Variants in AGAP1 observed in about 807,000 individuals in gnomAD.
The protein encoded by AGAP1 is ArfGAP with GTPase domain, ankyrin repeat and PH domain 1.
In AGAP1, 29 loss-of-function variants were observed where a neutral mutation model predicts 105.3. The observed-to-expected ratio is 0.28, with a 90% CI of 0.21 to 0.38. The LOEUF (loss-of-function observed/expected upper bound fraction) is 0.38, where lower values mean the gene tolerates loss of function less well. Ranked by LOEUF, AGAP1 falls within the 10% of genes least tolerant of loss-of-function variation. AGAP1 has a pLI of 1.00. For missense variants in AGAP1, 998 were observed against 1,165.1 expected (o/e 0.86, Z 2.09); for synonymous variants, 509 against 485.9 (o/e 1.05, Z -0.63).
chr2:235,513,460 G>A (rs978641849), intron 1 of AGAP1, among the ~76,000 whole-genome samples: 1 of 147,806 alleles, frequency 6.8e-6, no homozygotes, highest in South Asian at 2.1e-4. Context: ...GGCAGAGGTC[G>A]CAGCGAACTG....
intron 1 of AGAP1, among the ~76,000 whole-genome samples, chr2:235,539,268 A>C (rs1943354347): frequency 6.6e-6 from 1 of 152,190 alleles, no homozygotes; most frequent in South Asian, 2.1e-4. Context: ...GATGCACTGG[A>C]TTATCATGGC....
At chr2:235,808,414 G>A (rs1213481088) in intron 9 of AGAP1, among the ~76,000 whole-genome samples, 1 of 152,232 alleles carries the variant, frequency 6.6e-6, no homozygotes, top group Non-Finnish European at 1.5e-5. Context: ...TGGTGGTGCA[G>A]GTTTCGTCCA....
At chr2:235,588,210 C>T (rs1007629881) in intron 1 of AGAP1, among the ~76,000 whole-genome samples, 3 of 141,856 alleles carry the variant, frequency 2.1e-5, no homozygotes, top group African/African-American at 8.1e-5. Flanking sequence ...GCCTGGGTGA[C>T]AGAGTGAGAC....
At position 235,792,478 on chromosome 2, in the gene AGAP1, T is replaced by C. The variant is rs11685098; in HGVS notation, c.674-5281T>C. ...TGAAAAACTGGAAATAGAACAGCGC[T>C]GTGGTAAGATTTGCCTTTGAGGTCG... On this transcript the variant is annotated intron_variant, in intron 6 of 17. Transcript: ENST00000304032. The surrounding 1 kb of genome is among the most constrained non-coding windows in gnomAD (Gnocchi z 5.3). 0.79 allele frequency among the ~76,000 whole-genome samples: 119,551 copies of C among 152,130 alleles called. 47,433 individuals are homozygous for C. Among genetic ancestry groups the C allele is most frequent in the East Asian group, 0.97 (5,047 of 5,186 alleles).
intron 16 of AGAP1, among the ~76,000 whole-genome samples, chr2:236,079,961 A>C (rs1175753611): frequency 6.6e-6 from 1 of 152,236 alleles, no homozygotes; most frequent in Admixed American, 6.5e-5. Flanking sequence ...GGTCAGAGAC[A>C]AAGAAAAATC....
intron 5 of AGAP1, among the ~76,000 whole-genome samples, chr2:235,746,290 GA>G (rs540335205): frequency 2.0e-4 from 25 of 125,224 alleles, no homozygotes; most frequent in East Asian, 1.2e-3. Context: ...CATCTCAAGG[GA>G]AAAAAAAAAC....
rs1366143056 is a variant in AGAP1, at chr2:235,724,071, G to A, written c.310+6427G>A. On this transcript the variant is annotated intron_variant, in intron 3 of 17. Coordinates refer to ENST00000304032, the MANE Select transcript of AGAP1 (RefSeq NM_001037131.3). This position sits in a 1 kb window ranked among gnomAD's most constrained non-coding sequence, Gnocchi z 4.9. ...CCTTAGCCAGGCATGATGTGGGAGC[G>A]TTGGCCCTGGCATTCCCGGGTCTTC... 4.6e-5 allele frequency among the ~76,000 whole-genome samples: 7 copies of A among 152,360 alleles called. No homozygotes were observed. The highest frequency in any genetic ancestry group is 3.9e-4 in the East Asian group (2 of 5,180).
chr2:235,924,808 G>A (rs1338084081), intron 11 of AGAP1, among the ~76,000 whole-genome samples: 5 of 152,158 alleles, frequency 3.3e-5, no homozygotes, highest in Admixed American at 1.3e-4. Context: ...TGTGGAGAGC[G>A]ACATTTACTG....
At position 236,053,098 on chromosome 2, in the gene AGAP1, C is replaced by T. The variant is rs1009199056; in HGVS notation, c.2114+3817C>T. On this transcript the variant is annotated intron_variant, in intron 16 of 17. Transcript: ENST00000304032. The surrounding 1 kb of genome is among the most constrained non-coding windows in gnomAD (Gnocchi z 4.6). ...GTTGTAGGGCGTCGAGCAGCTGGGC[C>T]GGGGGCCACCAGCCAGGCGGGGCTC... Among the ~76,000 whole-genome samples, 3 of 152,116 alleles carry T rather than the reference C, an allele frequency of 2.0e-5. No homozygotes were observed. Among genetic ancestry groups the T allele is most frequent in the African/African-American group, 7.2e-5 (3 of 41,424 alleles).
At chr2:235,617,657 C>T (rs1646486254) in intron 1 of AGAP1, among the ~76,000 whole-genome samples, 1 of 152,072 alleles carries the variant, frequency 6.6e-6, no homozygotes, top group Admixed American at 6.5e-5. Context: ...AGCCGAGATC[C>T]CGCCACTGCA....
intron 1 of AGAP1, among the ~76,000 whole-genome samples, chr2:235,644,130 T>C (rs1947293983): frequency 6.6e-6 from 1 of 152,178 alleles, no homozygotes. Context: ...CCTTGCAGAC[T>C]TGTAGATGTC....
Position 236,090,099 on chromosome 2 carries a change from ACCTTGC to A in AGAP1, c.2115-30089_2115-30084del, listed in dbSNP as rs2059020824. ...TACCAGGAAACCCACTGCTCTCCTCACCTTGCCCTGCGCGCCTGAGCCCTTCACAGA... is the reference window on the plus strand; with the variant it reads ...TACCAGGAAACCCACTGCTCTCCTCACCTGCGCGCCTGAGCCCTTCACAGA... On this transcript the variant is annotated intron_variant, in intron 16 of 17. Transcript: ENST00000304032. The surrounding 1 kb of genome is among the most constrained non-coding windows in gnomAD (Gnocchi z 4.3). 6.6e-6 allele frequency among the ~76,000 whole-genome samples: 1 copy of A among 152,164 alleles called. No individual in the cohort carries two copies. The highest frequency in any genetic ancestry group is 2.4e-5 in the African/African-American group (1 of 41,434).
intron 1 of AGAP1, among the ~76,000 whole-genome samples, chr2:235,572,898 C>G (rs1944576950): frequency 6.6e-6 from 1 of 152,212 alleles, no homozygotes; most frequent in Non-Finnish European, 1.5e-5. Flanking sequence ...AGCAGACATT[C>G]TGCCTGAGAC....
chr2:236,127,546 A>C lies in AGAP1; in HGVS notation c.*3424A>C, dbSNP rs1448634133. On this transcript the variant is annotated 3_prime_UTR_variant, in exon 18 of 18. Transcript: ENST00000304032. The surrounding 1 kb of genome is among the most constrained non-coding windows in gnomAD (Gnocchi z 6.6). Reference sequence around the variant, plus strand: ...CTGCAGAGCCTCTAGTGCACAGGCCAGTTCTCGGCAGTGGCTTTTCAGCAC... The same window carrying C: ...CTGCAGAGCCTCTAGTGCACAGGCCCGTTCTCGGCAGTGGCTTTTCAGCAC... The C allele has an allele frequency of 1.3e-5, 2 of 152,244 alleles. No homozygotes were observed. The highest frequency in any genetic ancestry group is 4.8e-5 in the African/African-American group (2 of 41,452). 9.4% of individuals were successfully genotyped at this position (152,244 alleles called of 1,614,324 possible). A position where few individuals can be genotyped will look rare whatever the true frequency, so the allele number is the denominator to read the frequency against.
intron 16 of AGAP1, among the ~76,000 whole-genome samples, chr2:236,081,342 C>T (rs946332105): frequency 1.3e-5 from 2 of 152,160 alleles, no homozygotes; most frequent in Admixed American, 1.3e-4. Context: ...CCATACTGAC[C>T]CCCCAGGTTG....
Position 236,027,543 on chromosome 2 carries a change from C to T in AGAP1, c.1646-9018C>T, listed in dbSNP as rs934380387. ...GCCTCCCCCAGGGCAGACTGAGCCT[C>T]TCCCCTCCAGGTGTCCCAGATGTTT... On this transcript the variant is annotated intron_variant, in intron 13 of 17. Transcript: ENST00000304032. The surrounding 1 kb of genome is among the most constrained non-coding windows in gnomAD (Gnocchi z 4.4). Among the ~76,000 whole-genome samples, 1 of 152,178 alleles carries T rather than the reference C, an allele frequency of 6.6e-6. No homozygotes were observed. The highest frequency in any genetic ancestry group is 1.5e-5 in the Non-Finnish European group (1 of 68,036).
rs942586510 is a variant in AGAP1, at chr2:235,740,237, C to T, written c.311-726C>T. Among the ~76,000 whole-genome samples the T allele has an allele frequency of 2.0e-5, 3 of 151,988 alleles. No individual in the cohort carries two copies. Among genetic ancestry groups the T allele is most frequent in the Non-Finnish European group, 2.9e-5 (2 of 68,004 alleles). ...ATCCCCTCCTGAGAGCATCAGGGGC[C>T]GGGACGTCCAAGGTAGCACCAGGCC... On this transcript the variant is annotated intron_variant, in intron 3 of 17. Transcript: ENST00000304032. This position sits in a 1 kb window ranked among gnomAD's most constrained non-coding sequence, Gnocchi z 5.7.
chr2:235,945,292 G>T (rs913273595), intron 12 of AGAP1, among the ~76,000 whole-genome samples: 1 of 147,818 alleles, frequency 6.8e-6, no homozygotes, highest in Non-Finnish European at 1.5e-5. Flanking sequence ...AGTAGAGTTG[G>T]GGGGGGGTTC....
Position 235,635,859 on chromosome 2 carries a change from A to C in AGAP1, c.164-73320A>C, listed in dbSNP as rs1946980742. Among the ~76,000 whole-genome samples the C allele has an allele frequency of 6.6e-6, 1 of 152,154 alleles. No homozygotes were observed. Among genetic ancestry groups the C allele is most frequent in the African/African-American group, 2.4e-5 (1 of 41,440 alleles). On this transcript the variant is annotated intron_variant, in intron 1 of 17. Transcript: ENST00000304032. The surrounding 1 kb of genome is among the most constrained non-coding windows in gnomAD (Gnocchi z 5.3). ...ACCGGGCACAGTGACTCATGCCTGT[A>C]ATCCCAGCACTTTGGGAGGCTGAGG...
Sources: allele counts gnomAD v4.1 joint callset (sites outside exome capture counted in the v4.1 genomes callset), GRCh38; gene constraint gnomAD v4.1.1; non-coding constraint Gnocchi (gnomAD v3.1); transcripts MANE v1.5; gene names NCBI Gene and HGNC (gene_info 2026-07-23, HGNC 2026-07-21).